ARHGEF11: variants seen among roughly 807,000 people sequenced by gnomAD.
The protein encoded by ARHGEF11 is Rho guanine nucleotide exchange factor 11.
A neutral mutation model predicts 193.7 loss-of-function variants in ARHGEF11; 55 were observed. That is an observed-to-expected ratio of 0.28 (90% CI 0.23 to 0.36). The LOEUF (loss-of-function observed/expected upper bound fraction) is 0.36. Ranked by LOEUF, ARHGEF11 falls within the 10% of genes least tolerant of loss-of-function variation. The pLI is 1.00. For synonymous variants in ARHGEF11, 693 were observed against 768.0 expected (o/e 0.90, Z 1.62); for missense variants, 1,723 against 2,005.6 (o/e 0.86, Z 2.69).
At chr1:156,954,378 T>C (rs1659590645) in intron 21 of ARHGEF11, among the ~76,000 whole-genome samples, 1 of 51,052 alleles carries the variant, frequency 2.0e-5, no homozygotes, top group Non-Finnish European at 3.4e-5. Context: ...AAACTGTGTC[T>C]CCAAAAAAAA....
chr1:156,973,153 T>A (rs1662748041), intron 7 of ARHGEF11, among the ~76,000 whole-genome samples: 1 of 152,196 alleles, frequency 6.6e-6, no homozygotes. Flanking sequence ...GGTCTTGAAC[T>A]CTTGGCCTCA....
chr1:156,991,438 G>C (rs58486201), intron 1 of ARHGEF11, among the ~76,000 whole-genome samples: 5,151 of 152,180 alleles, frequency 0.034, 291 homozygotes, highest in African/African-American at 0.12. Context: ...TCCTGCCTTA[G>C]CCTCCCAAGT....
intron 15 of ARHGEF11, among the ~76,000 whole-genome samples, chr1:156,959,925 CCCCCCCT>C (rs1418948247): frequency 0.017 from 608 of 36,204 alleles, 11 homozygotes; most frequent in African/African-American, 0.055. Context: ...ACAAAAATAA[CCCCCCCT>C]CCCCCCCCCC....
intron 11 of ARHGEF11, among the ~76,000 whole-genome samples, chr1:156,964,498 A>G (rs557767315): frequency 5.1e-4 from 77 of 152,302 alleles, no homozygotes; most frequent in African/African-American, 1.8e-3. Context: ...ACCCAGACCT[A>G]TGATACCCTC....
intron 7 of ARHGEF11, 44 bp from the exon 8 acceptor site, chr1:156,971,860 G>C (rs752644584): frequency 6.3e-7 from 1 of 1,591,202 alleles, no homozygotes; most frequent in South Asian, 1.1e-5. Flanking sequence ...AAAAGGCAGA[G>C]GGGTGGTTAA....
At chr1:156,984,471 G>A (rs1664644884) in intron 2 of ARHGEF11, 34 bp from the exon 3 acceptor site, 3 of 1,523,198 alleles carry the variant, frequency 2.0e-6, no homozygotes, top group Non-Finnish European at 2.7e-6. Flanking sequence ...AGTACGCAGT[G>A]TCACTGGGAG....
chr1:156,945,806 A>C (rs1303235886), intron 29 of ARHGEF11: 4 of 436,628 alleles, frequency 9.2e-6, no homozygotes, highest in Non-Finnish European at 1.7e-5. Context: ...GGATTTGCAC[A>C]AAGGCCCACA....
intron 28 of ARHGEF11, among the ~76,000 whole-genome samples, chr1:156,946,397 T>C (rs933297475): frequency 1.1e-4 from 16 of 152,298 alleles, no homozygotes; most frequent in African/African-American, 2.6e-4. Context: ...ATTGCTGCCA[T>C]TCTATAGACA....
chr1:156,963,474 T>TA, intron 12 of ARHGEF11, 46 bp downstream of exon 12: 3 of 1,594,424 alleles, frequency 1.9e-6, no homozygotes, highest in Non-Finnish European at 2.6e-6. Context: ...GAGCAGCTTG[T>TA]ATGACAAAAA....
intron 1 of ARHGEF11, among the ~76,000 whole-genome samples, chr1:157,032,825 T>G (rs1557985336): frequency 6.6e-6 from 1 of 152,176 alleles, no homozygotes; most frequent in Non-Finnish European, 1.5e-5. Context: ...GTCCTTTTCG[T>G]CCATGACCTC....
intron 26 of ARHGEF11, 89 bp downstream of exon 26, chr1:156,947,215 A>G (rs1335650434): frequency 6.5e-7 from 1 of 1,535,800 alleles, no homozygotes; most frequent in Non-Finnish European, 8.8e-7. Flanking sequence ...GAGGTTACCT[A>G]CTCAGGGAGG....
intron 31 of ARHGEF11, 52 bp downstream of exon 31, chr1:156,944,306 G>A (rs1657676702): frequency 3.8e-6 from 6 of 1,579,044 alleles, no homozygotes; most frequent in Middle Eastern, 1.7e-4. Context: ...AAGAGCCCAG[G>A]GAGGCCCACC....
intron 29 of ARHGEF11, 59 bp downstream of exon 29, chr1:156,945,986 G>T: frequency 7.1e-7 from 1 of 1,403,744 alleles, no homozygotes; most frequent in Non-Finnish European, 1.0e-6. Flanking sequence ...AGCAGTGTCA[G>T]AATGAGGGTC....
chr1:157,026,023 C>G (rs894079221), intron 1 of ARHGEF11, among the ~76,000 whole-genome samples: 1 of 152,218 alleles, frequency 6.6e-6, no homozygotes, highest in East Asian at 1.9e-4. Flanking sequence ...CTGGTTCTTG[C>G]AACAGCACCC....
At chr1:157,043,264 T>C (rs1309773644) in intron 1 of ARHGEF11, among the ~76,000 whole-genome samples, 1 of 152,204 alleles carries the variant, frequency 6.6e-6, no homozygotes, top group Non-Finnish European at 1.5e-5. Flanking sequence ...GGCCCAGTCC[T>C]TTCATTTGCT....
chr1:156,969,517 G>A (rs536542682), intron 9 of ARHGEF11, among the ~76,000 whole-genome samples, 159 bp from the exon 10 acceptor site: 5 of 152,152 alleles, frequency 3.3e-5, no homozygotes, highest in South Asian at 2.1e-4. Flanking sequence ...CTCTAGACTC[G>A]GACACTTCCC....
At chr1:156,983,635 T>C (rs1379398704) in intron 3 of ARHGEF11, among the ~76,000 whole-genome samples, 1 of 152,196 alleles carries the variant, frequency 6.6e-6, no homozygotes, top group Admixed American at 6.5e-5. Flanking sequence ...AATTGGTAAC[T>C]TGATGGATTT....
rs1448630559 is a variant in ARHGEF11 at position 156,941,892 on chromosome 1, G to C, written c.3424C>G (p.Pro1142Ala). 1 of 1,613,028 alleles carries C rather than the reference G, an allele frequency of 6.2e-7. No individual in the cohort carries two copies. The highest frequency in any genetic ancestry group is 8.5e-7 in the Non-Finnish European group (1 of 1,179,484). ...VHPPPPGPRE[P>A]AQQGPTPSRV... ...CTGGGTGTGGGGCCCTGCTGGGCTG[G>C]CTCCCGGGGACCTGGGGGTGGAGGA... The change falls in exon 34 of 41, where the codon CCA becomes GCA. Residue 1142 changes from proline to alanine, a missense_variant. Transcript: ENST00000368194.
intron 1 of ARHGEF11, among the ~76,000 whole-genome samples, chr1:157,031,518 AC>A (rs1237281270): frequency 6.6e-6 from 1 of 152,210 alleles, no homozygotes; most frequent in African/African-American, 2.4e-5. Flanking sequence ...TCATGTACCT[AC>A]CACTATCCTC....
Sources: allele counts gnomAD v4.1 joint callset (sites outside exome capture counted in the v4.1 genomes callset), GRCh38; gene constraint gnomAD v4.1.1; transcripts MANE v1.5; gene names NCBI Gene and HGNC (gene_info 2026-07-23, HGNC 2026-07-21).